Variants in LRRC2 observed in about 807,000 individuals in gnomAD.
The protein encoded by LRRC2 is leucine rich repeat containing 2, also known as leucine-rich repeat-containing protein 2.
A neutral mutation model predicts 40.2 loss-of-function variants in LRRC2; 27 were observed. That is an observed-to-expected ratio of 0.67 (90% CI 0.49 to 0.93). The LOEUF (loss-of-function observed/expected upper bound fraction) is 0.93. Among genes scored for constraint, LRRC2 ranks in the 40% least tolerant of loss-of-function variants. The pLI, the probability that LRRC2 is intolerant of heterozygous loss-of-function variation, is 0.00. For synonymous variants in LRRC2, 147 were observed against 158.9 expected, an observed-to-expected ratio of 0.92 and a Z score of 0.56; for missense variants, 402 against 439.6, an observed-to-expected ratio of 0.91 and a Z score of 0.76.
chr3:46,560,568 C>T (rs555629403), intron 1 of LRRC2, among the ~76,000 whole-genome samples: 2 of 152,328 alleles, frequency 1.3e-5, no homozygotes, highest in Admixed American at 1.3e-4. Flanking sequence ...TTATAGGAAA[C>T]TTTACAACGA....
rs916393449 is a variant in LRRC2 at position 46,518,125 on chromosome 3, C to T, written c.*889G>A. 9 of 152,268 alleles carry T rather than the reference C, an allele frequency of 5.9e-5. No homozygotes were observed. The highest frequency in any genetic ancestry group is 2.2e-4 in the African/African-American group (9 of 41,460). 9.4% of individuals were successfully genotyped at this position (152,268 alleles called of 1,614,324 possible). On this transcript the variant is annotated 3_prime_UTR_variant, in exon 9 of 9. Transcript: ENST00000395905. ...CCACGCACCATCTGAGCATCTCATG[C>T]CCAAAGCATGGGCAGATATTCCAGC...
rs767848622 is a variant in LRRC2, at chr3:46,527,584, A to G, written c.774-3T>C. ...GAAAGCTCTGCAGCTCCTCTAGCCT[A>G]AGAAGAGGTAAAAACAATCATAGCA... On this transcript the variant is annotated splice_region_variant and splice_polypyrimidine_tract_variant and intron_variant, in intron 6 of 8. Transcript: ENST00000395905. The G allele has an allele frequency of 1.2e-6, 2 of 1,613,368 alleles. No individual in the cohort carries two copies. The highest frequency in any genetic ancestry group is 1.7e-5 in the Admixed American group (1 of 60,004).
intron 1 of LRRC2, among the ~76,000 whole-genome samples, chr3:46,553,472 A>G (rs1050837336): frequency 3.5e-4 from 54 of 152,260 alleles, no homozygotes; most frequent in African/African-American, 1.3e-3. Flanking sequence ...TCTTTCAGAC[A>G]GGGTATTACC....
chr3:46,519,220 A>C (rs1406707385), intron 8 of LRRC2, among the ~76,000 whole-genome samples, 157 bp from the exon 9 acceptor site: 1 of 128,754 alleles, frequency 7.8e-6, no homozygotes, highest in African/African-American at 2.5e-5. Context: ...TAAATAATGC[A>C]TTTGTCACCA....
intron 2 of LRRC2, among the ~76,000 whole-genome samples, chr3:46,548,549 CAA>C (rs34248798): frequency 6.6e-6 from 1 of 151,684 alleles, no homozygotes; most frequent in Non-Finnish European, 1.5e-5. Flanking sequence ...AATAAACATA[CAA>C]AAAAAATGCC....
At chr3:46,544,223 G>GA (rs1704473372) in intron 3 of LRRC2, among the ~76,000 whole-genome samples, 2 of 151,894 alleles carry the variant, frequency 1.3e-5, no homozygotes, top group South Asian at 2.1e-4. Flanking sequence ...CCGCCTCTAG[G>GA]AAAAAAATAC....
intron 1 of LRRC2, among the ~76,000 whole-genome samples, chr3:46,564,561 A>G (rs1705017938): frequency 6.6e-6 from 1 of 152,104 alleles, no homozygotes; most frequent in East Asian, 1.9e-4. Flanking sequence ...GAGGAGACTC[A>G]ACAAAGTCTG....
chr3:46,533,678 G>A (rs1019127274), intron 4 of LRRC2, among the ~76,000 whole-genome samples: 10 of 151,830 alleles, frequency 6.6e-5, no homozygotes, highest in African/African-American at 2.4e-4. Context: ...ATGAAAAGCA[G>A]AATGTTTGTA....
intron 7 of LRRC2, among the ~76,000 whole-genome samples, chr3:46,523,576 C>T (rs978352517): frequency 3.9e-5 from 6 of 152,084 alleles, no homozygotes; most frequent in African/African-American, 1.4e-4. Flanking sequence ...TCATAGTGAA[C>T]ACCCATGTAC....
chr3:46,552,001 C>CTG (rs1704667540), intron 1 of LRRC2, among the ~76,000 whole-genome samples: 1 of 151,942 alleles, frequency 6.6e-6, no homozygotes, highest in Non-Finnish European at 1.5e-5. Context: ...GGGTCTCACT[C>CTG]TATTGCCGAG....
In LRRC2 at chr3:46,517,688, C is replaced by T. The variant is rs530019073; in HGVS notation, c.*1326G>A. ...TTATCTTCAACACCATCAGCCACAACCTGTTTATTTTAGCCCAAGACAGTG... is the reference window on the plus strand; with the variant it reads ...TTATCTTCAACACCATCAGCCACAATCTGTTTATTTTAGCCCAAGACAGTG... On this transcript the variant is annotated 3_prime_UTR_variant, in exon 9 of 9. Coordinates refer to ENST00000395905, the MANE Select transcript of LRRC2 (RefSeq NM_024512.5). 2 of 152,168 alleles carry T rather than the reference C, an allele frequency of 1.3e-5. No homozygotes were observed. Among genetic ancestry groups the T allele is most frequent in the Non-Finnish European group, 2.9e-5 (2 of 68,036 alleles). The allele number at this position is 152,168 out of a possible 1,614,324, so 9.4% of individuals were successfully genotyped here.
intron 5 of LRRC2, among the ~76,000 whole-genome samples, chr3:46,530,327 T>C (rs917038458): frequency 2.6e-5 from 4 of 152,102 alleles, no homozygotes; most frequent in Non-Finnish European, 5.9e-5. Flanking sequence ...TGCCTGTAAT[T>C]CTAGCACTTT....
chr3:46,521,644 A>G lies in LRRC2; in HGVS notation c.944T>C (p.Met315Thr), dbSNP rs371117817. The G allele has an allele frequency of 5.6e-6, 9 of 1,611,144 alleles. No individual in the cohort carries two copies. Among genetic ancestry groups the G allele is most frequent in the South Asian group, 3.3e-5 (3 of 90,684 alleles). The change falls in exon 8 of 9, where the codon ATG (methionine) becomes ACG (threonine). Residue 315 changes from methionine to threonine, a missense_variant. Coordinates refer to ENST00000395905, the MANE Select transcript of LRRC2 (RefSeq NM_024512.5). ...TTGGGCATTATCAATAGGATTGTCC[A>G]TAAGGCTTACAAATCTATTCGAGAA... is the stretch of plus-strand genomic sequence containing the variant. ...SSTPLKFVSL[M>T]DNPIDNAQCE...
chr3:46,542,691 A>G (rs1704420527), intron 3 of LRRC2, among the ~76,000 whole-genome samples: 2 of 152,214 alleles, frequency 1.3e-5, no homozygotes, highest in South Asian at 4.1e-4. Flanking sequence ...CAAACAGCAA[A>G]CAGCTCGGGG....
Position 46,515,558 on chromosome 3 carries a change from C to T in LRRC2, c.*3456G>A, listed in dbSNP as rs1319863524. 1 of 152,078 alleles carries T rather than the reference C, an allele frequency of 6.6e-6. No homozygotes were observed. The highest frequency in any genetic ancestry group is 1.5e-5 in the Non-Finnish European group (1 of 68,020). 9.4% of individuals were successfully genotyped at this position (152,078 alleles called of 1,614,324 possible). A position where few individuals can be genotyped will look rare whatever the true frequency, so the allele number is the denominator to read the frequency against. ...TATTCTCCTTTGGAATCTTTCTGCA[C>T]ATTTATATGAATAAATTAAATAGTA... On this transcript the variant is annotated 3_prime_UTR_variant, in exon 9 of 9. Transcript: ENST00000395905.
intron 7 of LRRC2, among the ~76,000 whole-genome samples, chr3:46,522,273 G>T (rs925921438): frequency 2.6e-5 from 4 of 151,962 alleles, no homozygotes; most frequent in Non-Finnish European, 5.9e-5. Context: ...TACTCAGGAG[G>T]CTGAGGCAGG....
At chr3:46,551,690 G>T in intron 1 of LRRC2, 80 bp from the exon 2 acceptor site, 1 of 982,758 alleles carries the variant, frequency 1.0e-6, no homozygotes, top group Non-Finnish European at 1.4e-6. Flanking sequence ...AATGAAATAT[G>T]AATGAATCAC....
intron 1 of LRRC2, chr3:46,559,645 C>A (rs760187716): frequency 6.6e-6 from 1 of 152,206 alleles, no homozygotes; most frequent in Non-Finnish European, 1.5e-5. Flanking sequence ...GAGGAATGGT[C>A]TCTTCTTAAT....
At chr3:46,525,427 T>C (rs1461889980) in intron 7 of LRRC2, among the ~76,000 whole-genome samples, 2 of 152,074 alleles carry the variant, frequency 1.3e-5, no homozygotes, top group African/African-American at 4.8e-5. Flanking sequence ...ATTTCTTAAT[T>C]TTTTGTAGAG....
Sources: allele counts gnomAD v4.1 joint callset (sites outside exome capture counted in the v4.1 genomes callset), GRCh38; gene constraint gnomAD v4.1.1; transcripts MANE v1.5; gene names NCBI Gene and HGNC (gene_info 2026-07-23, HGNC 2026-07-21).